The following DNMT3B variants were observed in gnomAD, a reference collection of about 807,000 sequenced individuals.
DNMT3B encodes the protein DNA (cytosine-5)-methyltransferase 3B.
In DNMT3B, 37 loss-of-function variants were observed where a neutral mutation model predicts 120.2. That is an observed-to-expected ratio of 0.31 (90% CI 0.24 to 0.40). The LOEUF (loss-of-function observed/expected upper bound fraction) is 0.40. DNMT3B is among the 10% of genes least tolerant of loss of function. DNMT3B has a pLI of 1.00. For synonymous variants in DNMT3B, 412 were observed against 442.8 expected, an observed-to-expected ratio of 0.93 and a Z score of 0.87; for missense variants, 878 against 1,137.3, an observed-to-expected ratio of 0.77 and a Z score of 3.28.
intron 20 of DNMT3B, 136 bp downstream of exon 20, chr20:32,802,606 CGTGCGGGT>C: frequency 1.1e-6 from 1 of 888,046 alleles, no homozygotes; most frequent in Non-Finnish European, 1.9e-6. Flanking sequence ...CACCTGTGGT[CGTGCGGGT>C]TGATCTCTGT....
At chr20:32,788,817 T>G (rs1979633187) in intron 6 of DNMT3B, 37 bp from the exon 7 acceptor site, 1 of 1,613,922 alleles carries the variant, frequency 6.2e-7, no homozygotes, top group Admixed American at 1.7e-5. Context: ...GGATGGCCTC[T>G]CCTCACTGGG....
Position 32,786,628 on chromosome 20 carries a change from G to C in DNMT3B, c.432+1G>C, listed in dbSNP as rs1308127005. 6.2e-7 allele frequency: 1 copy of C among 1,613,822 alleles called. No individual in the cohort carries two copies. Among genetic ancestry groups the C allele is most frequent in the Non-Finnish European group, 8.5e-7 (1 of 1,180,050 alleles). On this transcript the variant is annotated splice_donor_variant, in intron 5 of 22. Coordinates refer to ENST00000328111, the MANE Select transcript of DNMT3B (RefSeq NM_006892.4). LOFTEE classifies it high-confidence loss of function. The stretch of plus-strand genomic sequence containing the variant: ...CCCCGTGGAGTTCCCGGCTACCAGG[G>C]TTGGTTCCCCAGATGCCCAGACCCC...
intron 1 of DNMT3B, among the ~76,000 whole-genome samples, chr20:32,769,992 G>C (rs1355562886): frequency 1.3e-5 from 2 of 152,114 alleles, no homozygotes; most frequent in Non-Finnish European, 2.9e-5. Context: ...CTGGAGTTCA[G>C]TACTACAATC....
chr20:32,793,904 A>G (rs1348066107), intron 10 of DNMT3B, among the ~76,000 whole-genome samples: 1 of 152,012 alleles, frequency 6.6e-6, no homozygotes, highest in Non-Finnish European at 1.5e-5. Flanking sequence ...TGGCTGTACA[A>G]TTTTCTTTCC....
At chr20:32,769,687 C>T (rs1317884551) in intron 1 of DNMT3B, among the ~76,000 whole-genome samples, 2 of 152,094 alleles carry the variant, frequency 1.3e-5, no homozygotes, top group East Asian at 1.9e-4. Context: ...TTTTCCTTCT[C>T]GAGATTTGTT....
In DNMT3B at chr20:32,802,441, C is replaced by T. The variant is rs1981472944; in HGVS notation, c.2202C>T (p.Tyr734=). Residue 734 remains tyrosine, a synonymous_variant, in exon 20 of 23, where the codon TAC becomes TAT. Coordinates refer to ENST00000328111, the MANE Select transcript of DNMT3B (RefSeq NM_006892.4). The stretch of plus-strand genomic sequence containing the variant: ...TTTCTGCTGCTCACAGGGCCCGATA[C>T]TTCTGGGGCAACCTACCCGGGATGA... ...IKVSAAHRAR[Y]FWGNLPGMNR... 3.1e-6 allele frequency: 5 copies of T among 1,614,218 alleles called. No individual in the cohort carries two copies. In the East Asian group the frequency reaches 6.7e-5, roughly 22 times the overall value.
chr20:32,773,745 G>A (rs1987887150), intron 1 of DNMT3B, among the ~76,000 whole-genome samples: 1 of 151,760 alleles, frequency 6.6e-6, no homozygotes, highest in Non-Finnish European at 1.5e-5. Flanking sequence ...CCGAGGAGGT[G>A]GGACTACAGG....
intron 1 of DNMT3B, 36 bp from the exon 2 acceptor site, chr20:32,780,282 T>A (rs1325104264): frequency 6.2e-7 from 1 of 1,613,660 alleles, no homozygotes; most frequent in Non-Finnish European, 8.5e-7. Flanking sequence ...TGTCCCTGCT[T>A]CCCTTTCACC....
rs1981244992 is a variant in DNMT3B, at chr20:32,800,827, T to C, written c.1906-8T>C. The C allele has an allele frequency of 6.2e-7, 1 of 1,613,574 alleles. No homozygotes were observed. The highest frequency in any genetic ancestry group is 8.5e-7 in the Non-Finnish European group (1 of 1,179,748). On this transcript the variant is annotated splice_polypyrimidine_tract_variant and splice_region_variant and intron_variant, in intron 17 of 22. Coordinates refer to ENST00000328111, the MANE Select transcript of DNMT3B (RefSeq NM_006892.4). ...CACCCTCATCCTGACTCTGTCTCTC[T>C]CTTTCAGATTGAAGAATGGGGCCCA...
intron 3 of DNMT3B, among the ~76,000 whole-genome samples, chr20:32,782,914 G>A (rs1056496292): frequency 9.2e-5 from 14 of 152,108 alleles, no homozygotes; most frequent in Non-Finnish European, 1.9e-4. Context: ...ATTCATGAAT[G>A]AAATGGGTAT....
intron 13 of DNMT3B, 98 bp from the exon 14 acceptor site, chr20:32,797,089 G>A: frequency 6.2e-7 from 1 of 1,605,154 alleles, no homozygotes; most frequent in Non-Finnish European, 8.5e-7. Context: ...CACCAGCAGT[G>A]TGTTCTGCAG....
At chr20:32,803,801 G>C (rs954641260) in intron 20 of DNMT3B, among the ~76,000 whole-genome samples, 24 of 152,326 alleles carry the variant, frequency 1.6e-4, no homozygotes, top group African/African-American at 5.3e-4. Context: ...GTGGCTGGGA[G>C]AGAAGGACCA....
intron 1 of DNMT3B, among the ~76,000 whole-genome samples, chr20:32,773,117 C>CTT (rs11449585): frequency 1.3e-3 from 184 of 143,986 alleles, no homozygotes; most frequent in East Asian, 2.4e-3. Flanking sequence ...CTGTGCCTGG[C>CTT]TTTTTTTTTT....
chr20:32,770,365 C>G (rs995292630), intron 1 of DNMT3B, among the ~76,000 whole-genome samples: 7 of 151,982 alleles, frequency 4.6e-5, no homozygotes, highest in Non-Finnish European at 8.8e-5. Flanking sequence ...CTCAGCTCAC[C>G]GCAACCTCTG....
rs146459708 is a variant in DNMT3B, at chr20:32,773,851, C to T, written c.-6-6467C>T. On this transcript the variant is annotated intron_variant, in intron 1 of 22. Coordinates refer to ENST00000328111, the MANE Select transcript of DNMT3B (RefSeq NM_006892.4). ...GGTTTTGCTGTGTTGCCCAGGCTGG[C>T]GTTGAACTCCTGAGCCCAAGCTCAA... Among the ~76,000 whole-genome samples the T allele has an allele frequency of 9.4e-3, 1,360 of 144,908 alleles. 26 individuals carry two copies. The highest frequency in any genetic ancestry group is 0.033 in the African/African-American group (1,289 of 39,110).
chr20:32,785,036 T>C (rs1042668686), intron 4 of DNMT3B, among the ~76,000 whole-genome samples, 177 bp downstream of exon 4: 14 of 94,076 alleles, frequency 1.5e-4, no homozygotes, highest in African/African-American at 1.3e-3. Flanking sequence ...AGGGTTTTCT[T>C]TTTTCTTTTT....
At chr20:32,771,635 CAAAA>C (rs10625883) in intron 1 of DNMT3B, among the ~76,000 whole-genome samples, 1 of 87,940 alleles carries the variant, frequency 1.1e-5, no homozygotes. Flanking sequence ...GACCGCATCT[CAAAA>C]AAAAAAAAAA....
chr20:32,800,701 CA>C, intron 17 of DNMT3B, 133 bp from the exon 18 acceptor site: 1 of 979,154 alleles, frequency 1.0e-6, no homozygotes. Flanking sequence ...TCAGGTAATC[CA>C]CCCCCGCCGT....
rs544208428 is a variant in DNMT3B at position 32,775,977 on chromosome 20, C to A, written c.-6-4341C>A. 2.9e-3 allele frequency among the ~76,000 whole-genome samples: 445 copies of A among 152,294 alleles called. 2 individuals carry two copies. The highest frequency in any genetic ancestry group is 9.5e-3 in the African/African-American group (395 of 41,576). On this transcript the variant is annotated intron_variant, in intron 1 of 22. Coordinates refer to ENST00000328111, the MANE Select transcript of DNMT3B (RefSeq NM_006892.4). ...CAGACAGGCTGGGTGCAGTGGCTCA[C>A]GCCTGTAATCCCAGGCCAAGGCGAG...
Sources: gnomAD v4.1 joint callset for allele counts (sites outside exome capture counted in the v4.1 genomes callset) on GRCh38, gnomAD v4.1.1 for gene constraint, MANE v1.5 for transcripts, NCBI Gene and HGNC (gene_info 2026-07-23, HGNC 2026-07-21) for gene names.